Variants in GPR174 observed in about 807,000 individuals in gnomAD.
GPR174 encodes the protein probable G protein-coupled receptor 174.
GPR174 carries 8 observed loss-of-function variants against 16.5 expected under a neutral mutation model. That is an observed-to-expected ratio of 0.48 (90% CI 0.28 to 0.87). GPR174 has a LOEUF of 0.87. Ranked by LOEUF, GPR174 falls within the 40% of genes least tolerant of loss-of-function variation. GPR174 has a pLI of 0.09. For missense variants in GPR174, 214 were observed against 247.5 expected (o/e 0.86, Z 0.91); for synonymous variants, 111 against 94.8 (o/e 1.17, Z -0.99).
intron 1 of GPR174, among the ~76,000 whole-genome samples, chrX:79,155,434 T>G (rs150390707): frequency 9.0e-6 from 1 of 111,523 alleles, no homozygotes; most frequent in East Asian, 2.8e-4. Flanking sequence ...GTGTGTTTAA[T>G]CCTGATCACT....
chrX:79,145,164 C>A lies in GPR174; in HGVS notation c.-707C>A, dbSNP rs917801621. The A allele has an allele frequency of 9.1e-6, 1 of 109,459 alleles. No individual in the cohort carries two copies. The highest frequency in any genetic ancestry group is 3.3e-5 in the African/African-American group (1 of 30,050). The allele number at this position is 109,459 out of a possible 1,213,427, so 9.0% of individuals were successfully genotyped here. A position where few individuals can be genotyped will look rare whatever the true frequency, so the allele number is the denominator to read the frequency against. On this transcript the variant is annotated 5_prime_UTR_variant, in exon 1 of 3. Transcript: ENST00000645147. Reference sequence around the variant, plus strand: ...ATCAGTAGCATCCTTTTTGGAGTGGCCATCACATGAATTCTTTGGAGATCT... The same window carrying A: ...ATCAGTAGCATCCTTTTTGGAGTGGACATCACATGAATTCTTTGGAGATCT...
At chrX:79,159,270 A>T (rs1352514535) in intron 2 of GPR174, among the ~76,000 whole-genome samples, 2 of 111,464 alleles carry the variant, frequency 1.8e-5, no homozygotes, top group African/African-American at 6.5e-5. Flanking sequence ...AAAGAGAGAG[A>T]CCCAACCATT....
At chrX:79,166,253 C>A (rs1466357565) in intron 2 of GPR174, among the ~76,000 whole-genome samples, 6 of 110,473 alleles carry the variant, frequency 5.4e-5, no homozygotes, top group Non-Finnish European at 1.9e-5. Context: ...TTATAGTATC[C>A]ATCAAAAGTG....
rs1921585041 is a variant in GPR174 at position 79,174,241 on chromosome X, T to C, written c.*2232T>C. On this transcript the variant is annotated 3_prime_UTR_variant, in exon 3 of 3. Coordinates refer to ENST00000645147, the MANE Select transcript of GPR174 (RefSeq NM_032553.3). ...TTATGCTGCTTAGCTGAGGACACCC[T>C]TTTTCCCCAGGCCTGCCCATCTACG... 9.1e-6 allele frequency: 1 copy of C among 110,475 alleles called. No homozygotes were observed. Among genetic ancestry groups the C allele is most frequent in the Non-Finnish European group, 1.9e-5 (1 of 52,616 alleles). 9.1% of individuals were successfully genotyped at this position (110,475 alleles called of 1,213,427 possible). A position where few individuals can be genotyped will look rare whatever the true frequency, so the allele number is the denominator to read the frequency against.
At position 79,174,443 on chromosome X, in the gene GPR174, T is replaced by G. The variant is rs1448746699; in HGVS notation, c.*2434T>G. On this transcript the variant is annotated 3_prime_UTR_variant, in exon 3 of 3. Coordinates refer to ENST00000645147, the MANE Select transcript of GPR174 (RefSeq NM_032553.3). Reference sequence around the variant, plus strand: ...ACCCAGGAATATCTGAATTCCAGGCTTTAGGACTAGGCATTAAACCAAAGT... The same window carrying G: ...ACCCAGGAATATCTGAATTCCAGGCGTTAGGACTAGGCATTAAACCAAAGT... 1 of 108,185 alleles carries G rather than the reference T, an allele frequency of 9.2e-6. No individual in the cohort carries two copies. The highest frequency in any genetic ancestry group is 1.9e-5 in the Non-Finnish European group (1 of 52,305). 8.9% of individuals were successfully genotyped at this position (108,185 alleles called of 1,213,427 possible).
chrX:79,166,453 T>C (rs1176066207), intron 2 of GPR174, among the ~76,000 whole-genome samples: 2 of 85,527 alleles, frequency 2.3e-5, no homozygotes, highest in Non-Finnish European at 4.5e-5. Flanking sequence ...TTTTTTTTTT[T>C]TTTTTGAGAC....
chrX:79,160,843 A>T (rs1921218446), intron 2 of GPR174, among the ~76,000 whole-genome samples: 1 of 111,817 alleles, frequency 8.9e-6, no homozygotes, highest in African/African-American at 3.2e-5. Flanking sequence ...GAGTTGAAAC[A>T]TTGAGCTATT....
chrX:79,171,994 A>C lies in GPR174; in HGVS notation c.987A>C (p.Thr329=). 8.4e-7 allele frequency: 1 copy of C among 1,188,778 alleles called. No homozygotes were observed. The highest frequency in any genetic ancestry group is 1.1e-6 in the Non-Finnish European group (1 of 884,841). ...GTAACCATACAGCTTCCACCATGACACCTGAATTATGCTAAAACAAAAAAC... is the reference window on the plus strand; with the variant it reads ...GTAACCATACAGCTTCCACCATGACCCCTGAATTATGCTAAAACAAAAAAC... The part of the protein sequence containing the change: ...FVSNHTASTM[T]PELC The change falls in exon 3 of 3, where the codon ACA becomes ACC. Residue 329 remains threonine (T), a synonymous_variant. Transcript: ENST00000645147.
intron 2 of GPR174, among the ~76,000 whole-genome samples, chrX:79,165,229 A>C (rs1049118410): frequency 9.2e-6 from 1 of 109,191 alleles, no homozygotes; most frequent in African/African-American, 3.3e-5. Flanking sequence ...ATTTTGGACA[A>C]TGTATTGTGA....
Position 79,171,164 on chromosome X carries a change from C to T in GPR174, c.157C>T (p.Arg53Ter), listed in dbSNP as rs1333054510. ...CTATGGTTATATGAAAGAAACAAAA[C>T]GAGCTGTGATATTTATGATAAACTT... is the stretch of plus-strand genomic sequence containing the variant. Reference protein sequence around the residue: ...VFYGYMKETKRAVIFMINLAI... With the variant: ...VFYGYMKETK Residue 53 changes from arginine to a stop codon, truncating the protein, a stop_gained, in exon 3 of 3, where the codon CGA becomes TGA. Transcript: ENST00000645147. LOFTEE classifies it high-confidence loss of function. 4 of 1,205,831 alleles carry T rather than the reference C, an allele frequency of 3.3e-6. No homozygotes were observed. The highest frequency in any genetic ancestry group is 4.5e-6 in the Non-Finnish European group (4 of 891,860).
At chrX:79,153,434 C>G (rs772298479) in intron 1 of GPR174, among the ~76,000 whole-genome samples, 1 of 111,532 alleles carries the variant, frequency 9.0e-6, no homozygotes, top group Admixed American at 9.6e-5. Context: ...AAATAACATT[C>G]GTCTTATTTT....
At chrX:79,164,721 A>C (rs1254442860) in intron 2 of GPR174, among the ~76,000 whole-genome samples, 1 of 112,156 alleles carries the variant, frequency 8.9e-6, no homozygotes, top group Non-Finnish European at 1.9e-5. Flanking sequence ...TGAGAAATAA[A>C]GAACCAGAAT....
chrX:79,172,056 A>G lies in GPR174; in HGVS notation c.*47A>G. 1.8e-6 allele frequency: 2 copies of G among 1,119,996 alleles called. No homozygotes were observed. The highest frequency in any genetic ancestry group is 4.3e-5 in the South Asian group (2 of 46,879). The allele number at this position is 1,119,996 out of a possible 1,213,427, so 92.3% of individuals were successfully genotyped here. A position where few individuals can be genotyped will look rare whatever the true frequency, so the allele number is the denominator to read the frequency against. On this transcript the variant is annotated 3_prime_UTR_variant, in exon 3 of 3. Coordinates refer to ENST00000645147, the MANE Select transcript of GPR174 (RefSeq NM_032553.3). Reference sequence around the variant, plus strand: ...TGACCTGAAATGCAAGTACATCAGAACATATCTGCAATACCCAAGCCACAG... The same window carrying G: ...TGACCTGAAATGCAAGTACATCAGAGCATATCTGCAATACCCAAGCCACAG...
rs759825117 is a variant in GPR174, at chrX:79,144,992, TTCTCTC to T, written c.-869_-864del. On this transcript the variant is annotated 5_prime_UTR_variant, in exon 1 of 3. Coordinates refer to ENST00000645147, the MANE Select transcript of GPR174 (RefSeq NM_032553.3). The stretch of plus-strand genomic sequence containing the variant: ...TCTTTCTTTCTTTTTCTTTCTTTCT[TTCTCTC>T]TCTCTCTCTTTCTTTCTTTCTTTCT... 1.5e-5 allele frequency: 1 copy of T among 68,574 alleles called. No individual in the cohort carries two copies. The highest frequency in any genetic ancestry group is 2.7e-5 in the Non-Finnish European group (1 of 36,709). 5.7% of individuals were successfully genotyped at this position (68,574 alleles called of 1,213,427 possible). A position where few individuals can be genotyped will look rare whatever the true frequency, so the allele number is the denominator to read the frequency against.
chrX:79,169,138 TTCTC>T (rs1921448365), intron 2 of GPR174, among the ~76,000 whole-genome samples: 1 of 111,705 alleles, frequency 9.0e-6, no homozygotes, highest in Non-Finnish European at 1.9e-5. Flanking sequence ...TCAATTCCCT[TTCTC>T]TCTACTTTTT....
chrX:79,166,372 G>A (rs1160622973), intron 2 of GPR174, among the ~76,000 whole-genome samples: 4 of 92,365 alleles, frequency 4.3e-5, no homozygotes, highest in African/African-American at 1.2e-4. Flanking sequence ...GTATAAAATT[G>A]TTTGCAAAAG....
chrX:79,170,124 T>C (rs1038582400), intron 2 of GPR174, among the ~76,000 whole-genome samples: 2 of 111,640 alleles, frequency 1.8e-5, no homozygotes, highest in Non-Finnish European at 3.8e-5. Context: ...CAAATGTTAA[T>C]ACGCAGAAGA....
intron 2 of GPR174, among the ~76,000 whole-genome samples, chrX:79,159,357 A>C (rs937860853): frequency 8.9e-6 from 1 of 112,140 alleles, no homozygotes; most frequent in African/African-American, 3.2e-5. Flanking sequence ...TATTCATGAA[A>C]ATTTATTAAA....
chrX:79,174,651 G>A lies in GPR174; in HGVS notation c.*2642G>A, dbSNP rs1304350131. 4.5e-5 allele frequency: 5 copies of A among 111,114 alleles called. No individual in the cohort carries two copies. The highest frequency in any genetic ancestry group is 9.4e-5 in the Non-Finnish European group (5 of 53,019). 9.2% of individuals were successfully genotyped at this position (111,114 alleles called of 1,213,427 possible). ...ATTAAGAAATGTATCCATGAACATG[G>A]CTATCAGTTTCTCAGATGTCTGCTC... On this transcript the variant is annotated 3_prime_UTR_variant, in exon 3 of 3. Coordinates refer to ENST00000645147, the MANE Select transcript of GPR174 (RefSeq NM_032553.3).
Sources: allele counts gnomAD v4.1 joint callset (sites outside exome capture counted in the v4.1 genomes callset), GRCh38; gene constraint gnomAD v4.1.1; transcripts MANE v1.5; gene names NCBI Gene and HGNC (gene_info 2026-07-23, HGNC 2026-07-21).